The following SPG11 variants were observed in gnomAD, a reference collection of about 807,000 sequenced individuals.
SPG11 encodes the protein spatacsin.
Under a neutral mutation model 274.0 loss-of-function variants are expected in SPG11, and 222 were observed. That is an observed-to-expected ratio of 0.81 (90% CI 0.73 to 0.91). The LOEUF is 0.91. Among genes scored for constraint, SPG11 ranks in the 40% least tolerant of loss-of-function variants. The probability of loss-of-function intolerance (pLI) is 0.00; values close to 1 mark genes in which losing one functional copy is unlikely to be tolerated. For synonymous variants in SPG11, 1,144 were observed against 1,039.7 expected, an observed-to-expected ratio of 1.10 and a Z score of -1.93; for missense variants, 3,114 against 2,872.7, an observed-to-expected ratio of 1.08 and a Z score of -1.92.
chr15:44,648,709 T>A (rs2084674849), intron 7 of SPG11, among the ~76,000 whole-genome samples, 157 bp downstream of exon 7: 1 of 152,164 alleles, frequency 6.6e-6, no homozygotes, highest in South Asian at 2.1e-4. Flanking sequence ...CTAAGCAGAG[T>A]TAGGGTAATG....
chr15:44,564,748 A>G (rs1467888164), intron 38 of SPG11, 50 bp from the exon 39 acceptor site: 1 of 1,597,042 alleles, frequency 6.3e-7, no homozygotes, highest in Non-Finnish European at 8.6e-7. Flanking sequence ...TCTGATGTAA[A>G]ATCAAAAACA....
At chr15:44,662,148 C>G (rs1438219528) in intron 1 of SPG11, among the ~76,000 whole-genome samples, 1 of 152,140 alleles carries the variant, frequency 6.6e-6, no homozygotes, top group Non-Finnish European at 1.5e-5. Flanking sequence ...TTATAAATAA[C>G]TTAGTTTATA....
chr15:44,638,250 T>C (rs1043867783), intron 7 of SPG11, among the ~76,000 whole-genome samples: 1 of 151,924 alleles, frequency 6.6e-6, no homozygotes, highest in African/African-American at 2.4e-5. Context: ...TCACTTGAGG[T>C]TGGGAGTTCA....
At chr15:44,649,072 G>C (rs1358715624) in intron 6 of SPG11, 61 bp from the exon 7 acceptor site, 1 of 1,399,076 alleles carries the variant, frequency 7.1e-7, no homozygotes, top group Admixed American at 1.8e-5. Context: ...TTATGATTTA[G>C]GAATTGATTT....
At chr15:44,583,557 G>T (rs750754295) in intron 30 of SPG11, among the ~76,000 whole-genome samples, 3 of 152,198 alleles carry the variant, frequency 2.0e-5, no homozygotes, top group Non-Finnish European at 4.4e-5. Context: ...CAGATGTATA[G>T]AATATGTAGA....
At chr15:44,659,425 T>C in intron 2 of SPG11, 122 bp from the exon 3 acceptor site, 2 of 863,850 alleles carry the variant, frequency 2.3e-6, no homozygotes, top group Non-Finnish European at 3.7e-6. Flanking sequence ...AGTCTAACTT[T>C]ACGCAGTTAT....
At chr15:44,579,226 G>A (rs1269001177) in intron 30 of SPG11, among the ~76,000 whole-genome samples, 1 of 151,144 alleles carries the variant, frequency 6.6e-6, no homozygotes, top group Non-Finnish European at 1.5e-5. Flanking sequence ...CTCAGCATAA[G>A]AAAAAGCAGG....
chr15:44,642,639 T>C (rs1277678622), intron 7 of SPG11, among the ~76,000 whole-genome samples: 1 of 151,458 alleles, frequency 6.6e-6, no homozygotes, highest in East Asian at 1.9e-4. Context: ...AGCAGGAAGA[T>C]TGTTTGAGGC....
At chr15:44,597,623 G>A (rs2083078749) in intron 23 of SPG11, among the ~76,000 whole-genome samples, 1 of 152,178 alleles carries the variant, frequency 6.6e-6, no homozygotes, top group African/African-American at 2.4e-5. Flanking sequence ...CCTGGTGGGT[G>A]CCTGGGCCTC....
At chr15:44,586,862 G>A (rs992696623) in intron 28 of SPG11, among the ~76,000 whole-genome samples, 8 of 152,200 alleles carry the variant, frequency 5.3e-5, no homozygotes, top group Non-Finnish European at 1.2e-4. Context: ...GGAATCATGT[G>A]GATCAAGACA....
At chr15:44,602,081 T>C (rs993261894) in intron 20 of SPG11, among the ~76,000 whole-genome samples, 5 of 152,260 alleles carry the variant, frequency 3.3e-5, no homozygotes, top group African/African-American at 1.2e-4. Flanking sequence ...CCTGCAACTT[T>C]CTTAGATTTG....
chr15:44,642,590 G>A (rs2141082785), intron 7 of SPG11, among the ~76,000 whole-genome samples: 1 of 151,740 alleles, frequency 6.6e-6, no homozygotes, highest in South Asian at 2.1e-4. Flanking sequence ...GCTGGGCATG[G>A]TGGCTTATGC....
At chr15:44,601,023 A>G (rs2140983343) in intron 20 of SPG11, among the ~76,000 whole-genome samples, 1 of 152,228 alleles carries the variant, frequency 6.6e-6, no homozygotes, top group East Asian at 1.9e-4. Flanking sequence ...GTGGCGGTGC[A>G]TGCCTGTAAT....
chr15:44,598,938 G>A (rs1194273904), intron 21 of SPG11, 102 bp from the exon 22 acceptor site: 1 of 1,159,712 alleles, frequency 8.6e-7, no homozygotes, highest in Non-Finnish European at 1.3e-6. Context: ...TGCCAGCCAT[G>A]TGATTTGTGG....
intron 31 of SPG11, 132 bp from the exon 32 acceptor site, chr15:44,573,877 C>G (rs2082479187): frequency 7.1e-6 from 6 of 840,090 alleles, no homozygotes; most frequent in South Asian, 1.5e-5. Flanking sequence ...TCAGCAGGAA[C>G]CTTAGAAAAA....
At position 44,564,604 on chromosome 15, in the gene SPG11, T is replaced by TAAG. The variant is rs2140911376; in HGVS notation, c.7093_7094insCTT (p.Glu2365delinsAlaTer). On this transcript the variant is annotated stop_gained and protein_altering_variant, in exon 39 of 40. Coordinates refer to ENST00000261866, the MANE Select transcript of SPG11 (RefSeq NM_025137.4). LOFTEE classifies it high-confidence loss of function. ...TAATAACCTTTGCTGCTTAAATTCTTCCAAGTAATTAAAGTCTCCTTTAAG... is the reference window on the plus strand; with the variant it reads ...TAATAACCTTTGCTGCTTAAATTCTTAAGCCAAGTAATTAAAGTCTCCTTTAAG... 1.2e-6 allele frequency: 2 copies of TAAG among 1,613,940 alleles called. No homozygotes were observed. Among genetic ancestry groups the TAAG allele is most frequent in the Non-Finnish European group, 1.7e-6 (2 of 1,179,824 alleles).
chr15:44,636,575 T>C (rs1046752098), intron 7 of SPG11, among the ~76,000 whole-genome samples: 1 of 151,030 alleles, frequency 6.6e-6, no homozygotes, highest in African/African-American at 2.4e-5. Flanking sequence ...GGCAGGAAAA[T>C]AGCGTGAACC....
intron 34 of SPG11, among the ~76,000 whole-genome samples, chr15:44,570,039 A>G (rs1220103477): frequency 6.6e-6 from 1 of 152,138 alleles, no homozygotes; most frequent in Non-Finnish European, 1.5e-5. Context: ...CTCAAGTGCT[A>G]AAGTGCCATT....
intron 7 of SPG11, 47 bp downstream of exon 7, chr15:44,648,819 T>C: frequency 6.3e-7 from 1 of 1,591,156 alleles, no homozygotes; most frequent in Non-Finnish European, 8.6e-7. Context: ...TAAAAGTATA[T>C]AACACAAAAT....
Sources: gnomAD v4.1 joint callset for allele counts (sites outside exome capture counted in the v4.1 genomes callset) on GRCh38, gnomAD v4.1.1 for gene constraint, MANE v1.5 for transcripts, NCBI Gene and HGNC (gene_info 2026-07-23, HGNC 2026-07-21) for gene names.